The following CXCL17 variants were observed in gnomAD, a reference collection of about 807,000 sequenced individuals.
CXCL17 encodes the protein C-X-C motif chemokine ligand 17, also known as C-X-C motif chemokine 17.
Under a neutral mutation model 15.5 loss-of-function variants are expected in CXCL17, and 9 were observed. The observed-to-expected ratio is 0.58, with a 90% CI of 0.35 to 1.01. The LOEUF is 1.01. Ranked by LOEUF, CXCL17 falls within the 50% of genes least tolerant of loss-of-function variation. The probability of loss-of-function intolerance (pLI) is 0.02; values close to 1 mark genes in which losing one functional copy is unlikely to be tolerated. For synonymous variants in CXCL17, 52 were observed against 52.3 expected (o/e 0.99, Z 0.02); for missense variants, 133 against 138.2 (o/e 0.96, Z 0.19).
intron 1 of CXCL17, among the ~76,000 whole-genome samples, chr19:42,442,233 T>G (rs1412704271): frequency 8.7e-6 from 1 of 115,422 alleles, no homozygotes; most frequent in Non-Finnish European, 1.6e-5. Context: ...TCTTTCCTTT[T>G]TTTTTTTTTT....
intron 2 of CXCL17, among the ~76,000 whole-genome samples, chr19:42,433,302 G>A (rs1199671722): frequency 1.3e-5 from 2 of 152,180 alleles, no homozygotes; most frequent in Non-Finnish European, 2.9e-5. Flanking sequence ...TTTGGGCAAG[G>A]GTTTGGTGGC....
At chr19:42,438,402 ATAT>A (rs2040857531) in intron 1 of CXCL17, among the ~76,000 whole-genome samples, 1 of 112,816 alleles carries the variant, frequency 8.9e-6, no homozygotes, top group African/African-American at 4.0e-5. Context: ...ATATATATAT[ATAT>A]AAAATACACA....
intron 1 of CXCL17, among the ~76,000 whole-genome samples, chr19:42,438,193 C>T (rs1040845716): frequency 6.6e-6 from 1 of 150,472 alleles, no homozygotes; most frequent in Non-Finnish European, 1.5e-5. Flanking sequence ...CCCATCTCTA[C>T]TAAAAATACA....
intron 1 of CXCL17, among the ~76,000 whole-genome samples, chr19:42,436,586 A>G (rs2040836486): frequency 6.6e-6 from 1 of 152,104 alleles, no homozygotes; most frequent in Admixed American, 6.6e-5. Flanking sequence ...ATTTTGGCAT[A>G]TTTGTTACCT....
intron 1 of CXCL17, among the ~76,000 whole-genome samples, chr19:42,436,640 C>T (rs1789383547): frequency 6.6e-6 from 1 of 152,170 alleles, no homozygotes; most frequent in African/African-American, 2.4e-5. Context: ...AGCATGTAAA[C>T]ACATTCTCTT....
Position 42,442,945 on chromosome 19 carries a change from A to G in CXCL17, c.-113T>C, listed in dbSNP as rs28514561. 2.0e-5 allele frequency: 15 copies of G among 745,474 alleles called. 1 individual carries two copies. The highest frequency in any genetic ancestry group is 3.4e-5 in the South Asian group (2 of 58,330). 46.2% of individuals were successfully genotyped at this position (745,474 alleles called of 1,614,324 possible). ...GTCAGGATACTCAGCCTGGTGGTCT[A>G]TGCTTTAGTCCCAGGCCAGCGTTCC... On this transcript the variant is annotated 5_prime_UTR_variant, in exon 1 of 4. Transcript: ENST00000601181.
intron 1 of CXCL17, among the ~76,000 whole-genome samples, chr19:42,442,345 G>A (rs1423772398): frequency 1.4e-5 from 2 of 146,782 alleles, no homozygotes; most frequent in Admixed American, 7.1e-5. Context: ...GCAATTCTCT[G>A]GCCTCAGCCT....
At chr19:42,441,956 A>G (rs1377105954) in intron 1 of CXCL17, among the ~76,000 whole-genome samples, 1 of 152,200 alleles carries the variant, frequency 6.6e-6, no homozygotes, top group Non-Finnish European at 1.5e-5. Flanking sequence ...TTACGTTACC[A>G]GTAAATAGCA....
At chr19:42,432,821 T>A (rs2040796452) in intron 3 of CXCL17, among the ~76,000 whole-genome samples, 155 bp downstream of exon 3, 1 of 152,238 alleles carries the variant, frequency 6.6e-6, no homozygotes, top group Non-Finnish European at 1.5e-5. Flanking sequence ...CCTCTCTTCC[T>A]ATTTCCCGAC....
At chr19:42,438,381 A>AAATAT (rs1555793041) in intron 1 of CXCL17, among the ~76,000 whole-genome samples, 50 of 63,846 alleles carry the variant, frequency 7.8e-4, no homozygotes, top group South Asian at 1.4e-3. Flanking sequence ...AAAAAAAAAA[A>AAATAT]ATATATATAT....
chr19:42,430,877 G>C (rs966209747), intron 3 of CXCL17, among the ~76,000 whole-genome samples: 3 of 151,752 alleles, frequency 2.0e-5, no homozygotes, highest in African/African-American at 7.3e-5. Flanking sequence ...TCACTCTGTT[G>C]TCCAGGCTGG....
intron 1 of CXCL17, among the ~76,000 whole-genome samples, chr19:42,439,791 C>A (rs773683234): frequency 3.9e-4 from 60 of 152,134 alleles, no homozygotes; most frequent in Non-Finnish European, 6.9e-4. Context: ...GTGTCAAGGT[C>A]CTGAAAGAGA....
rs544340001 is a variant in CXCL17 at position 42,442,475 on chromosome 19, C to T, written c.79+279G>A. On this transcript the variant is annotated intron_variant, in intron 1 of 3. Transcript: ENST00000601181. Reference sequence around the variant, plus strand: ...GTCTCGATCTCCTGACCTTGTAATCCGCCCTGCCTTGGCCTCCCAAAGTGC... The same window carrying T: ...GTCTCGATCTCCTGACCTTGTAATCTGCCCTGCCTTGGCCTCCCAAAGTGC... 2.5e-3 allele frequency among the ~76,000 whole-genome samples: 381 copies of T among 152,160 alleles called. 4 individuals carry two copies. Among genetic ancestry groups the T allele is most frequent in the African/African-American group, 8.5e-3 (354 of 41,512 alleles).
rs759989823 is a variant in CXCL17, at chr19:42,433,799, C to T, written c.137G>A (p.Gly46Asp). 4 of 1,613,962 alleles carry T rather than the reference C, an allele frequency of 2.5e-6. No individual in the cohort carries two copies. The African/African-American group carries it at 4.0e-5, about 16-fold the overall frequency. ...ACCTTTGCACTCACATTCTTGGCCG[C>T]CTTCCTGGAGCCATCTCCTAGAAGC... ...GQASRRWLQE[G>D]GQECECKDWF... The change falls in exon 2 of 4, where the codon GGC (glycine) becomes GAC (aspartate). Residue 46 changes from glycine (G) to aspartate (D), a missense_variant. Transcript: ENST00000601181.
At chr19:42,441,101 T>G (rs1033186608) in intron 1 of CXCL17, among the ~76,000 whole-genome samples, 1 of 152,174 alleles carries the variant, frequency 6.6e-6, no homozygotes, top group Non-Finnish European at 1.5e-5. Flanking sequence ...TTAGCTAATG[T>G]TTGCTGAGTA....
intron 1 of CXCL17, among the ~76,000 whole-genome samples, chr19:42,440,238 T>C (rs2040878640): frequency 6.6e-6 from 1 of 152,084 alleles, no homozygotes; most frequent in Non-Finnish European, 1.5e-5. Context: ...ATGAATAATC[T>C]GTTATTTTAA....
At chr19:42,434,481 T>C (rs1400155697) in intron 1 of CXCL17, among the ~76,000 whole-genome samples, 1 of 152,152 alleles carries the variant, frequency 6.6e-6, no homozygotes, top group Non-Finnish European at 1.5e-5. Flanking sequence ...CAGGCTGGAG[T>C]GTAGTGGTGC....
At chr19:42,429,632 T>A (rs2040756755) in intron 3 of CXCL17, among the ~76,000 whole-genome samples, 1 of 152,094 alleles carries the variant, frequency 6.6e-6, no homozygotes. Flanking sequence ...CCAGCCAACA[T>A]TTAATTTTTA....
At chr19:42,434,404 G>A (rs1215474732) in intron 1 of CXCL17, among the ~76,000 whole-genome samples, 1 of 152,060 alleles carries the variant, frequency 6.6e-6, no homozygotes, top group Non-Finnish European at 1.5e-5. Flanking sequence ...ATTTTCCCTT[G>A]ACCTCCAAGT....
Sources: gnomAD v4.1 joint callset for allele counts (sites outside exome capture counted in the v4.1 genomes callset) on GRCh38, gnomAD v4.1.1 for gene constraint, MANE v1.5 for transcripts, NCBI Gene and HGNC (gene_info 2026-07-23, HGNC 2026-07-21) for gene names.